PRR16: variants seen among roughly 807,000 people sequenced by gnomAD.
PRR16 encodes the protein proline rich 16.
PRR16 carries 6 observed loss-of-function variants against 18.2 expected under a neutral mutation model. That is an observed-to-expected ratio of 0.33 (90% CI 0.18 to 0.65). The LOEUF is 0.65. Ranked by LOEUF, PRR16 falls within the 30% of genes least tolerant of loss-of-function variation. The pLI is 0.74. For missense variants in PRR16, 412 were observed against 376.6 expected (o/e 1.09, Z -0.78); for synonymous variants, 151 against 147.8 (o/e 1.02, Z -0.16).
the PRR16 span, among the ~76,000 whole-genome samples, chr5:120,752,733 C>T: frequency 6.6e-6 from 1 of 151,656 alleles, no homozygotes; most frequent in Non-Finnish European, 1.5e-5. Flanking sequence ...GTTTCTATTT[C>T]TTCGTAGGTT....
At chr5:120,788,236 A>G in the PRR16 span, among the ~76,000 whole-genome samples, 1 of 151,936 alleles carries the variant, frequency 6.6e-6, no homozygotes, top group Non-Finnish European at 1.5e-5. Flanking sequence ...AGTTTTTTGT[A>G]TCCATGGACT....
the PRR16 span, among the ~76,000 whole-genome samples, chr5:120,750,387 G>A: frequency 2.0e-5 from 3 of 151,956 alleles, no homozygotes; most frequent in Admixed American, 6.6e-5. Flanking sequence ...AGTCAGGCGC[G>A]GTGGCTCACA....
At chr5:120,488,201 T>C (rs1199445258) in intron 1 of PRR16, among the ~76,000 whole-genome samples, 1 of 152,198 alleles carries the variant, frequency 6.6e-6, no homozygotes. Context: ...TTCTGTTGAT[T>C]GGAATAGTTT....
chr5:120,761,042 T>C, the PRR16 span, among the ~76,000 whole-genome samples: 4 of 152,130 alleles, frequency 2.6e-5, no homozygotes, highest in African/African-American at 9.7e-5. Flanking sequence ...AATTTCTTAA[T>C]GGGATAAAAT....
At chr5:120,770,950 T>TCACA in the PRR16 span, among the ~76,000 whole-genome samples, 9 of 148,966 alleles carry the variant, frequency 6.0e-5, no homozygotes, top group Middle Eastern at 3.5e-3. Context: ...TCTCTCTCTC[T>TCACA]CACACACACA....
the PRR16 span, among the ~76,000 whole-genome samples, chr5:120,701,897 G>C: frequency 5.3e-5 from 8 of 152,166 alleles, no homozygotes; most frequent in Non-Finnish European, 1.0e-4. Context: ...AAAATTCAAA[G>C]TGCCATTTTC....
intron 1 of PRR16, among the ~76,000 whole-genome samples, chr5:120,613,108 T>C (rs1479746963): frequency 2.0e-5 from 3 of 152,144 alleles, no homozygotes; most frequent in African/African-American, 7.2e-5. Context: ...AAAAAACTTA[T>C]AATGCAAATA....
intron 1 of PRR16, among the ~76,000 whole-genome samples, chr5:120,538,671 G>A (rs1489830888): frequency 6.6e-6 from 1 of 152,186 alleles, no homozygotes; most frequent in Non-Finnish European, 1.5e-5. Context: ...TAAACTGAAA[G>A]CATCTTCAGC....
the PRR16 span, among the ~76,000 whole-genome samples, chr5:120,749,706 T>A: frequency 6.6e-6 from 1 of 152,278 alleles, no homozygotes; most frequent in African/African-American, 2.4e-5. Flanking sequence ...CTATGAAATT[T>A]TATTTTCAAA....
In PRR16 at chr5:120,664,791, A is replaced by AT. The variant is rs768406775; in HGVS notation, c.160-21157dup. Among the ~76,000 whole-genome samples the AT allele has an allele frequency of 4.0e-3, 568 of 142,594 alleles. 7 individuals are homozygous for AT. Among genetic ancestry groups the AT allele is most frequent in the Middle Eastern group, 0.011 (3 of 270 alleles). The allele number at this position is 142,594 out of a possible 152,430, so 93.5% of individuals were successfully genotyped here. ...GTCCCTACAAAGACATGAACTCATCATTTTTTATGGCTGCATAGTATTCCG... is the reference window on the plus strand; with the variant it reads ...GTCCCTACAAAGACATGAACTCATCATTTTTTTATGGCTGCATAGTATTCCG... On this transcript the variant is annotated intron_variant, in intron 1 of 1. Transcript: ENST00000407149.
intron 1 of PRR16, among the ~76,000 whole-genome samples, chr5:120,623,821 T>C (rs1427672004): frequency 6.6e-6 from 1 of 152,094 alleles, no homozygotes; most frequent in Non-Finnish European, 1.5e-5. Context: ...CTGAGTTAAA[T>C]ACGTTTAGTC....
intron 1 of PRR16, among the ~76,000 whole-genome samples, chr5:120,637,287 T>C (rs1211133086): frequency 9.7e-5 from 12 of 123,738 alleles, no homozygotes; most frequent in African/African-American, 3.4e-4. Flanking sequence ...CTACTAGGTA[T>C]CTAGCCGGAG....
chr5:120,676,615 A>G (rs899740867), intron 1 of PRR16, among the ~76,000 whole-genome samples: 1 of 152,020 alleles, frequency 6.6e-6, no homozygotes, highest in African/African-American at 2.4e-5. Flanking sequence ...TAATACAATT[A>G]TGGTGCTTGA....
chr5:120,487,755 G>A (rs188718083), intron 1 of PRR16, among the ~76,000 whole-genome samples: 1,621 of 152,180 alleles, frequency 0.011, 13 homozygotes, highest in East Asian at 0.024. Flanking sequence ...TCCAGTTTTT[G>A]CCCATTTAGT....
downstream of PRR16, among the ~76,000 whole-genome samples, chr5:120,691,790 A>G (rs1757212399): frequency 6.6e-6 from 1 of 152,218 alleles, no homozygotes; most frequent in East Asian, 1.9e-4. Flanking sequence ...AAATAAAACA[A>G]TGTGTGCCTC....
At chr5:120,740,206 A>G in the PRR16 span, among the ~76,000 whole-genome samples, 1 of 151,982 alleles carries the variant, frequency 6.6e-6, no homozygotes, top group African/African-American at 2.4e-5. Flanking sequence ...GCCCTGGTTC[A>G]TTTCTCTTCT....
At chr5:120,472,208 CAT>C (rs1286628655) in intron 1 of PRR16, among the ~76,000 whole-genome samples, 1 of 152,118 alleles carries the variant, frequency 6.6e-6, no homozygotes, top group African/African-American at 2.4e-5. Flanking sequence ...CTACAGATAA[CAT>C]ATGTTATCCT....
chr5:120,680,353 A>G (rs1166967836), intron 1 of PRR16, among the ~76,000 whole-genome samples: 1 of 152,122 alleles, frequency 6.6e-6, no homozygotes, highest in African/African-American at 2.4e-5. Flanking sequence ...AATATTCAAC[A>G]TTAGGTTTTT....
chr5:120,467,272 G>C (rs565335198), intron 1 of PRR16, among the ~76,000 whole-genome samples: 2 of 152,192 alleles, frequency 1.3e-5, no homozygotes, highest in Non-Finnish European at 2.9e-5. Context: ...TATTGGCAAT[G>C]CTATGCTTTT....
Sources: gnomAD v4.1 joint callset for allele counts (sites outside exome capture counted in the v4.1 genomes callset) on GRCh38, gnomAD v4.1.1 for gene constraint, MANE v1.5 for transcripts, NCBI Gene and HGNC (gene_info 2026-07-23, HGNC 2026-07-21) for gene names.